Variants in ARAP2 observed in about 807,000 individuals in gnomAD.
The protein encoded by ARAP2 is ArfGAP with RhoGAP domain, ankyrin repeat and PH domain 2.
In ARAP2, 148 loss-of-function variants were observed where a neutral mutation model predicts 194.5. The ratio of observed to expected loss-of-function variants is 0.76; its 90% CI spans 0.67 to 0.87. ARAP2 has a LOEUF of 0.87. Ranked by LOEUF, ARAP2 falls within the 40% of genes least tolerant of loss-of-function variation. ARAP2 has a pLI of 0.00. For missense variants in ARAP2, 2,128 were observed against 1,989.7 expected (o/e 1.07, Z -1.32); for synonymous variants, 695 against 683.5 (o/e 1.02, Z -0.26).
intron 27 of ARAP2, among the ~76,000 whole-genome samples, chr4:36,100,405 A>G (rs1716540743): frequency 6.6e-6 from 1 of 152,064 alleles, no homozygotes; most frequent in South Asian, 2.1e-4. Flanking sequence ...ATCTTAAAAA[A>G]TTATTTGTTC....
Position 36,152,722 on chromosome 4 carries a change from T to G in ARAP2, c.2753-1678A>C, listed in dbSNP as rs180947218. Among the ~76,000 whole-genome samples, 262 of 151,220 alleles carry G rather than the reference T, an allele frequency of 1.7e-3. 2 individuals carry two copies. Among genetic ancestry groups the G allele is most frequent in the African/African-American group, 6.0e-3 (247 of 41,274 alleles). On this transcript the variant is annotated intron_variant, in intron 15 of 32. Coordinates refer to ENST00000303965, the MANE Select transcript of ARAP2 (RefSeq NM_015230.4). ...ATGTCTATAAAATAATCCCTTACGA[T>G]TTAGGAGCCATGTTTCTAAAGTAGC...
intron 1 of ARAP2, among the ~76,000 whole-genome samples, chr4:36,230,293 ATG>A (rs922518085): frequency 1.4e-4 from 21 of 152,344 alleles, no homozygotes; most frequent in African/African-American, 4.8e-4. Flanking sequence ...TTCAAGTTTT[ATG>A]CAATTTTCTT....
intron 1 of ARAP2, among the ~76,000 whole-genome samples, chr4:36,239,398 T>C (rs1753071570): frequency 6.6e-6 from 1 of 152,060 alleles, no homozygotes; most frequent in African/African-American, 2.4e-5. Flanking sequence ...GATGAATGGA[T>C]GAATGGATAA....
downstream of ARAP2, among the ~76,000 whole-genome samples, chr4:36,063,350 CTAATG>C (rs200181894): frequency 0.073 from 11,077 of 151,660 alleles, 540 homozygotes; most frequent in Middle Eastern, 0.19. Context: ...GGAGAAATAC[CTAATG>C]TAAATGACAA....
intron 2 of ARAP2, among the ~76,000 whole-genome samples, chr4:36,056,564 T>A (rs1350467567): frequency 6.6e-6 from 1 of 152,240 alleles, no homozygotes; most frequent in Non-Finnish European, 1.5e-5. Flanking sequence ...TGTGTGTCTC[T>A]GAGAACCAGA....
chr4:36,021,546 C>T lies in ARAP2; in HGVS notation n.608-2260G>A, dbSNP rs76992125. Among the ~76,000 whole-genome samples, 689 of 152,298 alleles carry T rather than the reference C, an allele frequency of 4.5e-3. 6 individuals are homozygous for T. Among genetic ancestry groups the T allele is most frequent in the African/African-American group, 0.016 (651 of 41,562 alleles). On this transcript the variant is annotated intron_variant and non_coding_transcript_variant, in intron 5 of 12. Coordinates refer to the ARAP2 transcript ENST00000503225. Reference sequence around the variant, plus strand: ...CTTCACTCCTGATTTTACCATATGACATGAAAGGTCCAATTCACCTTCTGC... The same window carrying T: ...CTTCACTCCTGATTTTACCATATGATATGAAAGGTCCAATTCACCTTCTGC...
chr4:36,099,098 A>G (rs1716138100), intron 27 of ARAP2, among the ~76,000 whole-genome samples: 2 of 144,460 alleles, frequency 1.4e-5, no homozygotes, highest in Admixed American at 7.0e-5. Flanking sequence ...CCCCCACCCC[A>G]TGTGTCCATA....
intron 2 of ARAP2, among the ~76,000 whole-genome samples, chr4:36,218,723 A>T (rs958579604): frequency 2.0e-5 from 3 of 152,216 alleles, no homozygotes; most frequent in African/African-American, 7.2e-5. Context: ...AAATTTGACT[A>T]AATTAAGATG....
chr4:36,083,527 G>A, intron 28 of ARAP2, 77 bp from the exon 29 acceptor site: 6 of 1,028,716 alleles, frequency 5.8e-6, no homozygotes, highest in African/African-American at 1.7e-5. Context: ...TTAATGATTG[G>A]GTTTAGAATT....
At chr4:36,191,763 T>A (rs781628293) in intron 7 of ARAP2, among the ~76,000 whole-genome samples, 3 of 151,984 alleles carry the variant, frequency 2.0e-5, no homozygotes, top group Non-Finnish European at 2.9e-5. Flanking sequence ...ATCTACCAAT[T>A]TGAGACAATG....
At chr4:36,116,281 T>C (rs1235126668) in intron 25 of ARAP2, among the ~76,000 whole-genome samples, 1 of 150,160 alleles carries the variant, frequency 6.7e-6, no homozygotes, top group African/African-American at 2.5e-5. Context: ...ATATATCTAA[T>C]GTTGTGACTG....
At position 36,091,116 on chromosome 4, in the gene ARAP2, G is replaced by T. The variant is rs559574901; in HGVS notation, c.4425+765C>A. On this transcript the variant is annotated intron_variant, in intron 28 of 32. Transcript: ENST00000303965. ...GAATTTTAATAAAGTGAACATACTG[G>T]TGTAACCTGCACCCAGAGAATATAA... 3.9e-5 allele frequency among the ~76,000 whole-genome samples: 6 copies of T among 152,074 alleles called. No individual in the cohort carries two copies. The South Asian group carries it at 6.2e-4, about 16-fold the overall frequency.
chr4:36,081,323 CA>C (rs1247730134), intron 30 of ARAP2, among the ~76,000 whole-genome samples: 2 of 152,052 alleles, frequency 1.3e-5, no homozygotes, highest in African/African-American at 4.8e-5. Context: ...GTTGAGTCAT[CA>C]GGGGGAGAAT....
At chr4:36,057,158 T>C (rs1577683226) in intron 2 of ARAP2, among the ~76,000 whole-genome samples, 1 of 152,024 alleles carries the variant, frequency 6.6e-6, no homozygotes, top group East Asian at 1.9e-4. Flanking sequence ...GGAATTCTAG[T>C]TGGCATATAT....
At position 36,207,698 on chromosome 4, in the gene ARAP2, T is replaced by C. The variant is rs1051411668; in HGVS notation, c.1487+2692A>G. Among the ~76,000 whole-genome samples, 3 of 152,210 alleles carry C rather than the reference T, an allele frequency of 2.0e-5. No individual in the cohort carries two copies. The East Asian group carries it at 5.8e-4, about 29-fold the overall frequency. On this transcript the variant is annotated intron_variant, in intron 6 of 32. Coordinates refer to ENST00000303965, the MANE Select transcript of ARAP2 (RefSeq NM_015230.4). ...CTATTTGAAAAAGTATAAACTAGAA[T>C]GTGTCTGTTAGTTTTTAAATTGTAT...
At chr4:36,217,322 G>A (rs112978520) in intron 2 of ARAP2, among the ~76,000 whole-genome samples, 1,789 of 152,306 alleles carry the variant, frequency 0.012, 36 homozygotes, top group African/African-American at 0.041. Flanking sequence ...GACCAGCCTG[G>A]CCAACATGGA....
At chr4:36,038,693 C>A (rs746460998) in intron 5 of ARAP2, among the ~76,000 whole-genome samples, 2 of 152,132 alleles carry the variant, frequency 1.3e-5, no homozygotes, top group Non-Finnish European at 2.9e-5. Flanking sequence ...AGATGAGAAG[C>A]AACACCATAA....
chr4:36,096,564 G>A (rs144696057), intron 27 of ARAP2, among the ~76,000 whole-genome samples: 93 of 152,142 alleles, frequency 6.1e-4, no homozygotes, highest in African/African-American at 2.1e-3. Flanking sequence ...GGAAGCAGAA[G>A]TGCCCAGGAT....
intron 17 of ARAP2, among the ~76,000 whole-genome samples, chr4:36,148,115 T>G (rs1247818583): frequency 6.6e-6 from 1 of 152,126 alleles, no homozygotes; most frequent in Non-Finnish European, 1.5e-5. Flanking sequence ...TATCTACCTA[T>G]AAAAAGACTT....
Sources: gnomAD v4.1 joint callset for allele counts (sites outside exome capture counted in the v4.1 genomes callset) on GRCh38, gnomAD v4.1.1 for gene constraint, MANE v1.5 for transcripts, NCBI Gene and HGNC (gene_info 2026-07-23, HGNC 2026-07-21) for gene names.